The following CADM2 variants were observed in gnomAD, a reference collection of about 807,000 sequenced individuals.
The protein encoded by CADM2 is immunoglobulin superfamily member 4D.
Under a neutral mutation model 49.8 loss-of-function variants are expected in CADM2, and 12 were observed. That is an observed-to-expected ratio of 0.24 (90% CI 0.15 to 0.39). The LOEUF is 0.39. Ranked by LOEUF, CADM2 falls within the 10% of genes least tolerant of loss-of-function variation. The pLI, the probability that CADM2 is intolerant of heterozygous loss-of-function variation, is 1.00. For missense variants in CADM2, 378 were observed against 492.3 expected, an observed-to-expected ratio of 0.77 and a Z score of 2.20; for synonymous variants, 214 against 175.4, an observed-to-expected ratio of 1.22 and a Z score of -1.74.
chr3:85,940,238 T>C (rs1559754640), intron 7 of CADM2, among the ~76,000 whole-genome samples: 1 of 148,602 alleles, frequency 6.7e-6, no homozygotes, highest in South Asian at 2.1e-4. Context: ...ACTGGGGAGG[T>C]TGAGCAAGGA....
chr3:85,641,941 A>C (rs944397458), intron 1 of CADM2, among the ~76,000 whole-genome samples: 1 of 151,956 alleles, frequency 6.6e-6, no homozygotes, highest in African/African-American at 2.4e-5. Flanking sequence ...AAAAAAAATT[A>C]AAAAAAAGAA....
At chr3:85,438,865 TTTTGTAGAAATAG>T (rs1436364166) in intron 1 of CADM2, among the ~76,000 whole-genome samples, 2 of 151,948 alleles carry the variant, frequency 1.3e-5, no homozygotes, top group Admixed American at 6.6e-5. Flanking sequence ...TATTTATATT[TTTTGTAGAAATAG>T]GCTCTCACTA....
intron 1 of CADM2, among the ~76,000 whole-genome samples, chr3:85,697,099 CATATATATATATGGCAT>C (rs1559598916): frequency 7.8e-6 from 1 of 129,032 alleles, no homozygotes; most frequent in African/African-American, 2.6e-5. Flanking sequence ...ATATATATGC[CATATATATATATGGCAT>C]ATATATATAT....
intron 6 of CADM2, among the ~76,000 whole-genome samples, chr3:85,933,026 T>C (rs1720790035): frequency 6.6e-6 from 1 of 152,188 alleles, no homozygotes; most frequent in South Asian, 2.1e-4. Flanking sequence ...TCTCCTGTAC[T>C]GCTTAAACTA....
intron 1 of CADM2, among the ~76,000 whole-genome samples, chr3:85,685,872 C>T (rs1425370215): frequency 1.3e-5 from 2 of 152,082 alleles, no homozygotes; most frequent in East Asian, 1.9e-4. Flanking sequence ...GATCCGCCCA[C>T]CTCGGCTTCC....
At chr3:85,577,437 G>A (rs1197293364) in intron 1 of CADM2, among the ~76,000 whole-genome samples, 4 of 152,178 alleles carry the variant, frequency 2.6e-5, no homozygotes, top group Non-Finnish European at 5.9e-5. Context: ...TCTCTCGCAC[G>A]TGCTCTCTTG....
At chr3:85,764,342 A>G (rs150808487) in intron 2 of CADM2, among the ~76,000 whole-genome samples, 14 of 152,234 alleles carry the variant, frequency 9.2e-5, no homozygotes, top group African/African-American at 3.1e-4. Context: ...AGAATTATCA[A>G]TTATCAGCAA....
intron 1 of CADM2, 132 bp downstream of exon 1, chr3:84,959,800 C>G: frequency 1.2e-6 from 1 of 838,834 alleles, no homozygotes; most frequent in Non-Finnish European, 1.9e-6. Context: ...CCCCTACTCT[C>G]TGGTGCGGCA....
intron 8 of CADM2, among the ~76,000 whole-genome samples, chr3:85,989,542 G>A (rs537116185): frequency 6.6e-6 from 1 of 152,202 alleles, no homozygotes; most frequent in South Asian, 2.1e-4. Context: ...GCATTCTAGA[G>A]CACAGAACAG....
intron 5 of CADM2, 72 bp from the exon 6 acceptor site, chr3:85,912,301 A>C: frequency 8.8e-7 from 1 of 1,133,482 alleles, no homozygotes; most frequent in Non-Finnish European, 1.2e-6. Flanking sequence ...AGCTGTTTCC[A>C]TTATCTTGAG....
At chr3:85,985,195 A>T (rs958992358) in intron 8 of CADM2, among the ~76,000 whole-genome samples, 1 of 151,924 alleles carries the variant, frequency 6.6e-6, no homozygotes, top group African/African-American at 2.4e-5. Context: ...TGGGTACATT[A>T]GTTGCCTGTT....
chr3:85,793,876 T>C (rs1342906425), intron 2 of CADM2, among the ~76,000 whole-genome samples: 1 of 152,186 alleles, frequency 6.6e-6, no homozygotes, highest in Non-Finnish European at 1.5e-5. Flanking sequence ...TGATGCAAGA[T>C]TTATTGGACA....
intron 8 of CADM2, among the ~76,000 whole-genome samples, chr3:85,999,329 C>A (rs933795630): frequency 6.6e-6 from 1 of 151,090 alleles, no homozygotes; most frequent in African/African-American, 2.4e-5. Flanking sequence ...CATGGTGAAA[C>A]CCCCATCTCT....
chr3:85,970,330 G>T (rs930287909), intron 8 of CADM2, among the ~76,000 whole-genome samples: 1 of 151,332 alleles, frequency 6.6e-6, no homozygotes, highest in East Asian at 2.0e-4. Context: ...CTGGCTGCTC[G>T]TGAGAGCTCT....
At chr3:85,062,015 GTCTC>G (rs1390362990) in intron 1 of CADM2, among the ~76,000 whole-genome samples, 4 of 151,118 alleles carry the variant, frequency 2.6e-5, no homozygotes, top group Non-Finnish European at 5.9e-5. Context: ...CACACATTCT[GTCTC>G]TCTGTCTCTG....
chr3:86,032,377 C>T (rs1002168714), intron 8 of CADM2, among the ~76,000 whole-genome samples: 2 of 151,756 alleles, frequency 1.3e-5, no homozygotes, highest in African/African-American at 4.8e-5. Context: ...GTAAACAATG[C>T]TATAAAATAT....
chr3:86,042,066 C>A (rs959223416), intron 8 of CADM2, among the ~76,000 whole-genome samples: 2 of 152,152 alleles, frequency 1.3e-5, no homozygotes, highest in African/African-American at 4.8e-5. Context: ...AACTCTGGGA[C>A]ACATTCAAAG....
intron 1 of CADM2, among the ~76,000 whole-genome samples, chr3:85,404,980 G>A (rs548457626): frequency 6.6e-6 from 1 of 152,232 alleles, no homozygotes; most frequent in East Asian, 1.9e-4. Context: ...TATATTGGAT[G>A]TGTTAAAAAT....
intron 1 of CADM2, among the ~76,000 whole-genome samples, chr3:85,364,798 G>A (rs1284838216): frequency 1.3e-5 from 2 of 152,012 alleles, no homozygotes; most frequent in Non-Finnish European, 2.9e-5. Context: ...AATAACTTCG[G>A]TCAGGAAACG....
Sources: allele counts gnomAD v4.1 joint callset (sites outside exome capture counted in the v4.1 genomes callset), GRCh38; gene constraint gnomAD v4.1.1; transcripts MANE v1.5; gene names NCBI Gene and HGNC (gene_info 2026-07-23, HGNC 2026-07-21).